The following ACAD10 variants were observed in gnomAD, a reference collection of about 807,000 sequenced individuals.
ACAD10 encodes the protein acyl-CoA dehydrogenase family member 10, also known as ACAD-10.
Under a neutral mutation model 116.8 loss-of-function variants are expected in ACAD10, and 112 were observed. The ratio of observed to expected loss-of-function variants is 0.96; its 90% CI spans 0.82 to 1.12. The LOEUF (loss-of-function observed/expected upper bound fraction) is 1.12, where lower values mean the gene tolerates loss of function less well. Ranked by LOEUF, ACAD10 falls within the 50% of genes most tolerant of loss-of-function variation. The pLI is 0.00. For missense variants in ACAD10, 1,259 were observed against 1,350.2 expected (o/e 0.93, Z 1.06); for synonymous variants, 486 against 510.6 (o/e 0.95, Z 0.65).
chr12:111,703,248 C>T (rs984697746), intron 3 of ACAD10, among the ~76,000 whole-genome samples: 4 of 152,048 alleles, frequency 2.6e-5, no homozygotes, highest in Admixed American at 2.6e-4. Context: ...TCCAGGCCTG[C>T]CACCCTCCTC....
rs769969160 is a variant in ACAD10 at position 111,748,305 on chromosome 12, C to T, written c.2486-12C>T. The T allele has an allele frequency of 1.2e-6, 2 of 1,614,018 alleles. No homozygotes were observed. Among genetic ancestry groups the T allele is most frequent in the South Asian group, 1.1e-5 (1 of 91,080 alleles). On this transcript the variant is annotated splice_polypyrimidine_tract_variant and intron_variant, in intron 16 of 20. Coordinates refer to ENST00000313698, the MANE Select transcript of ACAD10 (RefSeq NM_025247.6). ...TCAGATGATGGGGTCTGTCTCTCTC[C>T]TTTCCTGGCAGGCATCCTGGATCCT... is the stretch of plus-strand genomic sequence containing the variant.
At chr12:111,710,174 C>T (rs1216512080) in intron 5 of ACAD10, 2 of 383,670 alleles carry the variant, frequency 5.2e-6, no homozygotes, top group Non-Finnish European at 1.0e-5. Flanking sequence ...ACTGTAGCCT[C>T]AACCTCCTGG....
intron 6 of ACAD10, among the ~76,000 whole-genome samples, chr12:111,713,423 G>A (rs1888749883): frequency 6.6e-6 from 1 of 151,896 alleles, no homozygotes; most frequent in African/African-American, 2.4e-5. Flanking sequence ...CCAGGAGTTC[G>A]AGACCAGGCT....
In ACAD10 at chr12:111,744,717, G is replaced by A. The variant is rs377499155; in HGVS notation, c.1789G>A (p.Ala597Thr). Residue 597 changes from alanine (A) to threonine (T), a missense_variant, in exon 13 of 21, where the codon GCA becomes ACA. By Grantham distance (58) the Ala-to-Thr change is moderately conservative. Transcript: ENST00000313698. ...TGTGTCTAACCTGGCGTGGGATTTCGCAGTCAAAGAAGGGTTCCGGGTTTT... is the reference window on the plus strand; with the variant it reads ...TGTGTCTAACCTGGCGTGGGATTTCACAGTCAAAGAAGGGTTCCGGGTTTT... The part of the protein sequence containing the change: ...EFVSNLAWDF[A>T]VKEGFRVFKE... 90 of 1,614,082 alleles carry A rather than the reference G, an allele frequency of 5.6e-5. No individual in the cohort carries two copies. The African/African-American group carries it at 7.1e-4, about 13-fold the overall frequency.
chr12:111,694,721 C>G (rs1211643961), intron 2 of ACAD10, among the ~76,000 whole-genome samples: 4 of 152,190 alleles, frequency 2.6e-5, no homozygotes, highest in African/African-American at 9.7e-5. Flanking sequence ...CCAGAATTAA[C>G]CTTTCTAAAA....
chr12:111,686,903 C>T (rs927541290), intron 1 of ACAD10, among the ~76,000 whole-genome samples: 2 of 152,188 alleles, frequency 1.3e-5, no homozygotes, highest in Non-Finnish European at 2.9e-5. Context: ...GGTTGACCTA[C>T]ATCAGCAGTT....
intron 1 of ACAD10, 38 bp from the exon 2 acceptor site, chr12:111,692,657 AGT>A: frequency 1.3e-6 from 2 of 1,570,712 alleles, no homozygotes; most frequent in Non-Finnish European, 1.7e-6. Flanking sequence ...GTTGGGAGGC[AGT>A]GCAGGCAAGT....
intron 12 of ACAD10, among the ~76,000 whole-genome samples, chr12:111,737,379 G>A (rs1363559051): frequency 6.6e-6 from 1 of 152,046 alleles, no homozygotes. Flanking sequence ...TAGAGATGAA[G>A]TTTCACCATG....
intron 3 of ACAD10, among the ~76,000 whole-genome samples, chr12:111,704,688 C>CTTTTTTTTTTTTTT (rs59745029): frequency 7.9e-6 from 1 of 126,136 alleles, no homozygotes; most frequent in Non-Finnish European, 1.6e-5. Context: ...TTCTTTCTTT[C>CTTTTTTTTTTTTTT]TTTTTTTTTT....
intron 8 of ACAD10, among the ~76,000 whole-genome samples, chr12:111,726,396 A>G (rs1889213746): frequency 6.6e-6 from 1 of 152,188 alleles, no homozygotes; most frequent in African/African-American, 2.4e-5. Context: ...GATAAAAATA[A>G]CCTCAATAAC....
At chr12:111,732,266 T>A (rs1369037460) in intron 10 of ACAD10, among the ~76,000 whole-genome samples, 1 of 152,214 alleles carries the variant, frequency 6.6e-6, no homozygotes, top group African/African-American at 2.4e-5. Flanking sequence ...TGGCCATATG[T>A]TGGAATTCTA....
intron 4 of ACAD10, among the ~76,000 whole-genome samples, chr12:111,709,305 C>T (rs1048560651): frequency 6.6e-6 from 1 of 152,212 alleles, no homozygotes; most frequent in Admixed American, 6.5e-5. Flanking sequence ...CTGAAACAGA[C>T]ACTTTGGTTT....
chr12:111,750,238 C>T (rs890655460), intron 18 of ACAD10, among the ~76,000 whole-genome samples: 14 of 151,066 alleles, frequency 9.3e-5, no homozygotes, highest in African/African-American at 3.4e-4. Context: ...ACTACAGGCA[C>T]CCGCCACCAT....
rs1000180116 is a variant in ACAD10 at position 111,747,280 on chromosome 12, A to G, written c.2395-15A>G. 1 of 1,613,972 alleles carries G rather than the reference A, an allele frequency of 6.2e-7. No homozygotes were observed. The highest frequency in any genetic ancestry group is 8.5e-7 in the Non-Finnish European group (1 of 1,179,942). ...GTCTGCTGGCGTCTCTGACTGGAAT[A>G]TGCTCCCCACTCAGGTTGCCTCTTC... On this transcript the variant is annotated splice_polypyrimidine_tract_variant and intron_variant, in intron 15 of 20. Transcript: ENST00000313698.
intron 8 of ACAD10, among the ~76,000 whole-genome samples, chr12:111,724,406 G>A (rs1187100924): frequency 2.0e-5 from 3 of 152,270 alleles, no homozygotes; most frequent in South Asian, 2.1e-4. Context: ...ACGGGGTGGC[G>A]GCCGGGCAGA....
rs749046165 is a variant in ACAD10, at chr12:111,748,412, A to G, written c.2581A>G (p.Met861Val). 1.2e-5 allele frequency: 20 copies of G among 1,613,994 alleles called. No homozygotes were observed. Among genetic ancestry groups the G allele is most frequent in the Admixed American group, 3.3e-5 (2 of 59,988 alleles). ...HRQQSVLLVP[M>V]DTPGIKIIRP... ...GCAGCAGTCTGTGCTCTTGGTTCCC[A>G]TGGATACCCCAGGGATAAAAATCAT... is the stretch of plus-strand genomic sequence containing the variant. Residue 861 changes from methionine to valine, a missense_variant, in exon 17 of 21, where the codon ATG becomes GTG. Physicochemically the swap from Met to Val is conservative, Grantham distance 21. Transcript: ENST00000313698.
At chr12:111,710,544 G>A (rs985653301) in intron 5 of ACAD10, among the ~76,000 whole-genome samples, 3 of 151,660 alleles carry the variant, frequency 2.0e-5, no homozygotes, top group Non-Finnish European at 4.4e-5. Flanking sequence ...ACCCAGGCTG[G>A]AATACAGTGG....
At chr12:111,741,911 C>G (rs1889754756) in intron 12 of ACAD10, among the ~76,000 whole-genome samples, 1 of 152,142 alleles carries the variant, frequency 6.6e-6, no homozygotes, top group Admixed American at 6.6e-5. Context: ...GACTTCAAAT[C>G]AGCATTAGAT....
chr12:111,747,265 G>T (rs565483856), intron 15 of ACAD10, 30 bp from the exon 16 acceptor site: 1 of 1,613,738 alleles, frequency 6.2e-7, no homozygotes, highest in African/African-American at 1.3e-5. Context: ...GTCTGCTGGC[G>T]TCTCTGACTG....
Sources: gnomAD v4.1 joint callset for allele counts (sites outside exome capture counted in the v4.1 genomes callset) on GRCh38, gnomAD v4.1.1 for gene constraint, MANE v1.5 for transcripts, NCBI Gene and HGNC (gene_info 2026-07-23, HGNC 2026-07-21) for gene names.